The following ST8SIA6 variants were observed in gnomAD, a reference collection of about 807,000 sequenced individuals.
ST8SIA6 encodes alpha-2,8-sialyltransferase 8F.
A neutral mutation model predicts 33.6 loss-of-function variants in ST8SIA6; 39 were observed. The ratio of observed to expected loss-of-function variants is 1.16; its 90% CI spans 0.90 to 1.52. The LOEUF is 1.52. Among genes scored for constraint, ST8SIA6 ranks in the 40% most tolerant of loss-of-function variants. The probability of loss-of-function intolerance (pLI) is 0.00; values close to 1 mark genes in which losing one functional copy is unlikely to be tolerated. For missense variants in ST8SIA6, 441 were observed against 443.8 expected (o/e 0.99, Z 0.06); for synonymous variants, 172 against 167.2 (o/e 1.03, Z -0.22).
chr10:17,434,829 C>G (rs1180201645), intron 2 of ST8SIA6, among the ~76,000 whole-genome samples: 1 of 152,160 alleles, frequency 6.6e-6, no homozygotes, highest in Non-Finnish European at 1.5e-5. Flanking sequence ...TGTTCACTGG[C>G]ATGGTTTATG....
intron 3 of ST8SIA6, among the ~76,000 whole-genome samples, chr10:17,364,862 C>G (rs1055195963): frequency 6.6e-6 from 1 of 152,122 alleles, no homozygotes; most frequent in African/African-American, 2.4e-5. Context: ...AGATCTCACC[C>G]CAAAATCTTG....
Position 17,318,514 on chromosome 10 carries a change from C to T in ST8SIA6, c.*2364G>A. On this transcript the variant is annotated 3_prime_UTR_variant, in exon 8 of 8. Coordinates refer to ENST00000377602, the MANE Select transcript of ST8SIA6 (RefSeq NM_001004470.3). ...TACAGGTGTGAGCCATTGCGCCTGGCCTAAAGGGCTGCTCTTGTCTAGTAC... is the reference window on the plus strand; with the variant it reads ...TACAGGTGTGAGCCATTGCGCCTGGTCTAAAGGGCTGCTCTTGTCTAGTAC... The T allele has an allele frequency of 2.7e-6, 1 of 370,512 alleles. No individual in the cohort carries two copies. Among genetic ancestry groups the T allele is most frequent in the South Asian group, 2.1e-5 (1 of 47,536 alleles). The allele number at this position is 370,512 out of a possible 1,614,324, so 23.0% of individuals were successfully genotyped here.
At chr10:17,393,601 G>C (rs968760409) in intron 2 of ST8SIA6, among the ~76,000 whole-genome samples, 1 of 152,054 alleles carries the variant, frequency 6.6e-6, no homozygotes, top group Non-Finnish European at 1.5e-5. Context: ...CCCCAGAGAG[G>C]AGATCTGACA....
At chr10:17,343,530 A>C (rs914838010) in intron 4 of ST8SIA6, among the ~76,000 whole-genome samples, 31 of 152,212 alleles carry the variant, frequency 2.0e-4, no homozygotes, top group African/African-American at 7.5e-4. Flanking sequence ...GCAAACTAAG[A>C]CTGCAGAAAC....
At chr10:17,448,007 G>A (rs1852781145) in intron 2 of ST8SIA6, among the ~76,000 whole-genome samples, 1 of 151,970 alleles carries the variant, frequency 6.6e-6, no homozygotes, top group African/African-American at 2.4e-5. Flanking sequence ...GACCATGTTG[G>A]CTGGGCTGGT....
chr10:17,329,446 T>A (rs770932555), intron 5 of ST8SIA6, among the ~76,000 whole-genome samples: 9 of 152,230 alleles, frequency 5.9e-5, no homozygotes, highest in Non-Finnish European at 1.2e-4. Context: ...CCTGGTTATA[T>A]CTGCAATGGC....
intron 4 of ST8SIA6, among the ~76,000 whole-genome samples, chr10:17,338,587 C>A (rs1848576895): frequency 6.6e-6 from 1 of 152,138 alleles, no homozygotes; most frequent in Non-Finnish European, 1.5e-5. Context: ...TAAAAACCTA[C>A]CTAGACTCAA....
intron 4 of ST8SIA6, among the ~76,000 whole-genome samples, chr10:17,349,815 C>T (rs1282931388): frequency 6.6e-6 from 1 of 152,160 alleles, no homozygotes; most frequent in Admixed American, 6.5e-5. Context: ...CCCTTTCCAA[C>T]TCCTAGTTCC....
At chr10:17,384,057 C>G (rs1359518983) in intron 3 of ST8SIA6, among the ~76,000 whole-genome samples, 1 of 152,184 alleles carries the variant, frequency 6.6e-6, no homozygotes, top group Non-Finnish European at 1.5e-5. Flanking sequence ...ATTGGAGAAA[C>G]TGGTTATTTT....
chr10:17,350,378 G>T (rs1420046722), intron 4 of ST8SIA6, among the ~76,000 whole-genome samples: 1 of 144,574 alleles, frequency 6.9e-6, no homozygotes, highest in Non-Finnish European at 1.5e-5. Flanking sequence ...GGCTCACAAT[G>T]AATGCTTGCT....
At position 17,321,329 on chromosome 10, in the gene ST8SIA6, T is replaced by C. The variant is rs552007735; in HGVS notation, c.746A>G (p.Glu249Gly). 15 of 1,598,220 alleles carry C rather than the reference T, an allele frequency of 9.4e-6. No individual in the cohort carries two copies. The highest frequency in any genetic ancestry group is 5.4e-5 in the Admixed American group (3 of 55,550). ...IITLKYGNLKEKKALFLEDIA... is the reference protein window; with the variant it reads ...IITLKYGNLKGKKALFLEDIA... Reference sequence around the variant, plus strand: ...GTCCTCCAGAAATAGGGCTTTTTTTTCCTTTAAGTTCCCATATCTGCCAAA... The same window carrying C: ...GTCCTCCAGAAATAGGGCTTTTTTTCCCTTTAAGTTCCCATATCTGCCAAA... Residue 249 changes from glutamate to glycine, a missense_variant, in exon 8 of 8, where the codon GAA (glutamate) becomes GGA (glycine). Coordinates refer to ENST00000377602, the MANE Select transcript of ST8SIA6 (RefSeq NM_001004470.3).
intron 2 of ST8SIA6, among the ~76,000 whole-genome samples, chr10:17,446,016 GTTATGTGTATT>G (rs1331161472): frequency 6.6e-6 from 1 of 151,142 alleles, no homozygotes; most frequent in African/African-American, 2.5e-5. Context: ...TAAATTTCAT[GTTATGTGTATT>G]TTATCACAAT....
intron 2 of ST8SIA6, among the ~76,000 whole-genome samples, chr10:17,418,602 A>G (rs144791582): frequency 5.3e-5 from 8 of 152,364 alleles, no homozygotes; most frequent in Non-Finnish European, 8.8e-5. Flanking sequence ...TGTTGTTACA[A>G]GCATTCTCCT....
At chr10:17,378,117 T>C (rs758465590) in intron 3 of ST8SIA6, among the ~76,000 whole-genome samples, 1 of 152,094 alleles carries the variant, frequency 6.6e-6, no homozygotes, top group Non-Finnish European at 1.5e-5. Flanking sequence ...TGAGAAAAGG[T>C]CTTAGCACCA....
intron 2 of ST8SIA6, among the ~76,000 whole-genome samples, chr10:17,397,714 T>C (rs1440009172): frequency 6.6e-6 from 1 of 152,178 alleles, no homozygotes; most frequent in East Asian, 1.9e-4. Context: ...CCTTCCAGTC[T>C]TATATTATGG....
intron 3 of ST8SIA6, among the ~76,000 whole-genome samples, chr10:17,374,134 T>A (rs1849820543): frequency 6.6e-6 from 1 of 151,026 alleles, no homozygotes; most frequent in South Asian, 2.1e-4. Context: ...AGTCTATTTC[T>A]CATCCTCCCA....
At chr10:17,365,573 G>A (rs1307724646) in intron 3 of ST8SIA6, among the ~76,000 whole-genome samples, 2 of 152,090 alleles carry the variant, frequency 1.3e-5, no homozygotes, top group African/African-American at 2.4e-5. Context: ...CCTCCATTCA[G>A]CAGATCCACC....
intron 6 of ST8SIA6, among the ~76,000 whole-genome samples, chr10:17,325,707 G>T (rs45606045): frequency 2.6e-5 from 4 of 151,952 alleles, no homozygotes; most frequent in African/African-American, 9.7e-5. Context: ...CACCAAACAC[G>T]TCTAGCCCTC....
intron 3 of ST8SIA6, among the ~76,000 whole-genome samples, chr10:17,361,594 G>T (rs879540551): frequency 7.4e-5 from 11 of 149,240 alleles, no homozygotes; most frequent in Admixed American, 2.0e-4. Flanking sequence ...AACATTTAAG[G>T]AATATTAATA....
Sources: gnomAD v4.1 joint callset for allele counts (sites outside exome capture counted in the v4.1 genomes callset) on GRCh38, gnomAD v4.1.1 for gene constraint, MANE v1.5 for transcripts, NCBI Gene and HGNC (gene_info 2026-07-23, HGNC 2026-07-21) for gene names.